Variants in TRIM33 observed in about 807,000 individuals in gnomAD.
The protein encoded by TRIM33 is E3 ubiquitin-protein ligase TRIM33.
In TRIM33, 20 loss-of-function variants were observed where a neutral mutation model predicts 125.4. The ratio of observed to expected loss-of-function variants is 0.16; its 90% CI spans 0.11 to 0.23. The LOEUF is 0.23. Ranked by LOEUF, TRIM33 falls within the 10% of genes least tolerant of loss-of-function variation. The pLI, the probability that TRIM33 is intolerant of heterozygous loss-of-function variation, is 1.00. For missense variants in TRIM33, 920 were observed against 1,411.4 expected (o/e 0.65, Z 5.58); for synonymous variants, 564 against 513.9 (o/e 1.10, Z -1.32).
At chr1:114,488,401 A>G (rs1178442712) in intron 1 of TRIM33, among the ~76,000 whole-genome samples, 1 of 152,222 alleles carries the variant, frequency 6.6e-6, no homozygotes, top group African/African-American at 2.4e-5. Flanking sequence ...AATAAACTTA[A>G]ACCATAATCT....
chr1:114,451,452 T>A (rs1182249084), intron 4 of TRIM33, among the ~76,000 whole-genome samples: 1 of 152,016 alleles, frequency 6.6e-6, no homozygotes, highest in African/African-American at 2.4e-5. Flanking sequence ...GTCTACAGAT[T>A]TTTTAATTCC....
At chr1:114,406,020 T>C (rs1013506538) in intron 14 of TRIM33, among the ~76,000 whole-genome samples, 4 of 152,200 alleles carry the variant, frequency 2.6e-5, no homozygotes, top group Non-Finnish European at 5.9e-5. Context: ...AAGCTATTGA[T>C]TGGGAAGTGA....
rs777340573 is a variant in TRIM33 at position 114,510,987 on chromosome 1, G to A, written c.90C>T (p.Ala30=). Residue 30 remains alanine (A), a synonymous_variant, in exon 1 of 20, where the codon GCC becomes GCT. Transcript: ENST00000358465. ...TGAGAGGCGGCTCCGCCTCCTGCGC[G>A]GCGGGCCCGGCGGCCCCGGCAGTTA... is the stretch of plus-strand genomic sequence containing the variant. The part of the protein sequence containing the change: ...APVTAGAAGP[A]AQEAEPPLTA... The A allele has an allele frequency of 1.5e-6, 2 of 1,335,508 alleles. No individual in the cohort carries two copies. The highest frequency in any genetic ancestry group is 1.9e-5 in the South Asian group (1 of 53,194). The allele number at this position is 1,335,508 out of a possible 1,614,324, so 82.7% of individuals were successfully genotyped here. A position where few individuals can be genotyped will look rare whatever the true frequency, so the allele number is the denominator to read the frequency against.
chr1:114,464,278 AT>A lies in TRIM33; in HGVS notation c.636del (p.Lys212AsnfsTer20). 1 of 1,573,942 alleles carries A rather than the reference AT, an allele frequency of 6.4e-7. No individual in the cohort carries two copies. The highest frequency in any genetic ancestry group is 8.6e-7 in the Non-Finnish European group (1 of 1,156,700). On this transcript the variant is annotated frameshift_variant, in exon 2 of 20. Transcript: ENST00000358465. LOFTEE classifies it high-confidence loss of function. ...AAAATTGAGAAGCATACCTGTTCTG[AT>A]TTTTCATCAGAACTGCTAGGAGCTT... The part of the protein sequence containing the change: ...TSEAPSSSDE[K>X]SEQVCTSCED...
chr1:114,423,178 A>G (rs757623287), intron 10 of TRIM33, among the ~76,000 whole-genome samples: 44 of 152,224 alleles, frequency 2.9e-4, no homozygotes, highest in Admixed American at 1.3e-4. Flanking sequence ...TTGTGGAGAT[A>G]TAACGATAAT....
chr1:114,436,705 TCCGCC>T (rs1648331525), intron 4 of TRIM33, among the ~76,000 whole-genome samples: 2 of 152,166 alleles, frequency 1.3e-5, no homozygotes, highest in African/African-American at 4.8e-5. Context: ...CCTCAGATGA[TCCGCC>T]CACCTCGACC....
intron 4 of TRIM33, among the ~76,000 whole-genome samples, chr1:114,434,011 A>C (rs1464837211): frequency 6.6e-6 from 1 of 152,214 alleles, no homozygotes; most frequent in African/African-American, 2.4e-5. Flanking sequence ...CTTTTTAAAA[A>C]TTCAAATATT....
chr1:114,411,234 G>A (rs1652568344), intron 11 of TRIM33, among the ~76,000 whole-genome samples: 1 of 151,812 alleles, frequency 6.6e-6, no homozygotes, highest in African/African-American at 2.4e-5. Flanking sequence ...TTATAGAGAT[G>A]GGATTTTGCT....
chr1:114,504,460 G>C (rs1218693126), intron 1 of TRIM33, among the ~76,000 whole-genome samples: 1 of 152,198 alleles, frequency 6.6e-6, no homozygotes, highest in Non-Finnish European at 1.5e-5. Flanking sequence ...AATTCACGCA[G>C]AGGTGATGGC....
Position 114,406,989 on chromosome 1 carries a change from T to G in TRIM33, c.2370A>C (p.Gly790=). 6.2e-7 allele frequency: 1 copy of G among 1,614,054 alleles called. No individual in the cohort carries two copies. ...CCTCTGTTTTTTCTTGTTTTACACC[T>G]CCTGAAAAGCTACATATTTCATCTT... ...GTEDEICSFS[G]GVKQEKTEDG... is the part of the protein sequence containing the mutation. The change falls in exon 14 of 20, where the codon GGA becomes GGC. Residue 790 remains glycine (G), a synonymous_variant. Coordinates refer to ENST00000358465, the MANE Select transcript of TRIM33 (RefSeq NM_015906.4).
chr1:114,468,750 C>A, intron 1 of TRIM33: 1 of 397,538 alleles, frequency 2.5e-6, no homozygotes. Context: ...AGACAAAGTT[C>A]TAGAAGATGA....
At chr1:114,428,352 GA>G (rs1647723735) in intron 6 of TRIM33, among the ~76,000 whole-genome samples, 1 of 152,138 alleles carries the variant, frequency 6.6e-6, no homozygotes, top group African/African-American at 2.4e-5. Flanking sequence ...AAATGAAAAA[GA>G]TAACTTCCAG....
In TRIM33 at chr1:114,428,306, G is replaced by C. The variant is rs1465637691; in HGVS notation, c.1156-412C>G. ...AGTGCCACCTCCTGGTATGGCATGA[G>C]AATGAAGTTAAAATCTCTCTTAAAT... On this transcript the variant is annotated intron_variant, in intron 6 of 19. Transcript: ENST00000358465. 5.9e-5 allele frequency among the ~76,000 whole-genome samples: 9 copies of C among 152,230 alleles called. No individual in the cohort carries two copies. In the East Asian group the frequency reaches 1.7e-3, roughly 29 times the overall value.
intron 11 of TRIM33, among the ~76,000 whole-genome samples, chr1:114,417,590 G>A (rs561631781): frequency 6.6e-5 from 10 of 152,298 alleles, no homozygotes; most frequent in African/African-American, 2.4e-4. Flanking sequence ...TACAGGTAGT[G>A]TGGAGAAAGA....
intron 2 of TRIM33, among the ~76,000 whole-genome samples, chr1:114,463,804 T>G (rs2101385704): frequency 6.7e-6 from 1 of 148,700 alleles, no homozygotes; most frequent in South Asian, 2.1e-4. Context: ...GCTCTCGCTC[T>G]GTCACCCAGG....
Position 114,408,726 on chromosome 1 carries a change from G to T in TRIM33, c.2209C>A (p.His737Asn), listed in dbSNP as rs1175722134. 1.9e-6 allele frequency: 3 copies of T among 1,602,862 alleles called. No individual in the cohort carries two copies. The highest frequency in any genetic ancestry group is 2.6e-6 in the Non-Finnish European group (3 of 1,173,472). ...GTACTTGGGGGTCTCACAGGTGTGT[G>T]AGAATTGGATAAACCTAAAAAGTAG... ...SPGSSGLSNS[H>N]TPVRPPSTSS... The change falls in exon 13 of 20, where the codon CAC becomes AAC. Residue 737 changes from histidine (H) to asparagine (N), a missense_variant. By Grantham distance (68) the His-to-Asn change is moderately conservative. This residue lies in a region of TRIM33 where 407 missense variants were observed against 589.7 expected (regional missense o/e 0.69). Coordinates refer to ENST00000358465, the MANE Select transcript of TRIM33 (RefSeq NM_015906.4).
rs899956435 is a variant in TRIM33 at position 114,396,509 on chromosome 1, T to A, written c.*1139A>T. ...GATTTTTTGAGAAGTCTGTTCTCTATTAAAATAAGATAGAACCTCAAAATA... is the reference window on the plus strand; with the variant it reads ...GATTTTTTGAGAAGTCTGTTCTCTAATAAAATAAGATAGAACCTCAAAATA... On this transcript the variant is annotated 3_prime_UTR_variant, in exon 20 of 20. Transcript: ENST00000358465. 1 of 194,796 alleles carries A rather than the reference T, an allele frequency of 5.1e-6. No homozygotes were observed. The highest frequency in any genetic ancestry group is 6.1e-5 in the Admixed American group (1 of 16,398). The allele number at this position is 194,796 out of a possible 1,614,324, so 12.1% of individuals were successfully genotyped here.
At chr1:114,481,846 G>A (rs577889054) in intron 1 of TRIM33, among the ~76,000 whole-genome samples, 122 of 151,722 alleles carry the variant, frequency 8.0e-4, no homozygotes, top group Admixed American at 1.8e-3. Flanking sequence ...TGCAACCTCC[G>A]CCTACCCAGT....
chr1:114,501,801 C>T (rs990063930), intron 1 of TRIM33, among the ~76,000 whole-genome samples: 1 of 91,576 alleles, frequency 1.1e-5, no homozygotes, highest in Non-Finnish European at 2.1e-5. Context: ...AAATAATTCA[C>T]AAAAGGAACA....
Sources: gnomAD v4.1 joint callset for allele counts (sites outside exome capture counted in the v4.1 genomes callset) on GRCh38, gnomAD v4.1.1 for gene constraint, gnomAD v4.1.1 regional missense constraint, MANE v1.5 for transcripts, NCBI Gene and HGNC (gene_info 2026-07-23, HGNC 2026-07-21) for gene names.